ATP11A: variants seen among roughly 807,000 people sequenced by gnomAD.
The protein encoded by ATP11A is phospholipid-transporting ATPase IH.
A neutral mutation model predicts 154.4 loss-of-function variants in ATP11A; 81 were observed. The ratio of observed to expected loss-of-function variants is 0.52; its 90% confidence interval spans 0.44 to 0.63. The LOEUF is 0.63. Ranked by LOEUF, ATP11A falls within the 30% of genes least tolerant of loss-of-function variation. The pLI is 0.00. For synonymous variants in ATP11A, 623 were observed against 585.9 expected (o/e 1.06, Z -0.91); for missense variants, 1,316 against 1,474.3 (o/e 0.89, Z 1.76).
chr13:112,797,465 C>T (rs2078032304), intron 2 of ATP11A, among the ~76,000 whole-genome samples: 1 of 151,940 alleles, frequency 6.6e-6, no homozygotes, highest in Non-Finnish European at 1.5e-5. Flanking sequence ...AAAGGGTACA[C>T]CTAGACATAT....
chr13:112,823,503 T>C lies in ATP11A; in HGVS notation c.790+94T>C, dbSNP rs185765447. The C allele has an allele frequency of 2.8e-6, 3 of 1,066,380 alleles. No individual in the cohort carries two copies. The African/African-American group carries it at 4.8e-5, about 17-fold the overall frequency. 66.1% of individuals were successfully genotyped at this position (1,066,380 alleles called of 1,614,324 possible). On this transcript the variant is annotated intron_variant, in intron 9 of 29. Coordinates refer to ENST00000375645, the MANE Select transcript of ATP11A (RefSeq NM_015205.3). ...CGCAGCGGAACCCGAGAGCGTTTCT[T>C]GGCACCTTGAGGTGCTGGAGGCTTT...
chr13:112,871,840 T>A, intron 26 of ATP11A, 40 bp downstream of exon 26: 1 of 1,585,502 alleles, frequency 6.3e-7, no homozygotes, highest in Non-Finnish European at 8.7e-7. Flanking sequence ...CCAGCCACAG[T>A]GAACCCCTGC....
At chr13:112,814,255 G>C (rs2078582222) in intron 5 of ATP11A, among the ~76,000 whole-genome samples, 1 of 151,794 alleles carries the variant, frequency 6.6e-6, no homozygotes, top group Non-Finnish European at 1.5e-5. Flanking sequence ...TAGAGATGGG[G>C]TTTCACCATT....
At chr13:112,820,137 G>A (rs1056638901) in intron 8 of ATP11A, among the ~76,000 whole-genome samples, 187 bp downstream of exon 8, 1 of 152,214 alleles carries the variant, frequency 6.6e-6, no homozygotes, top group Admixed American at 6.5e-5. Context: ...TGTGAATGTT[G>A]ACAAGTTAGT....
rs2139597443 is a variant in ATP11A, at chr13:112,715,538, G to C, written c.39+25083G>C. 6.0e-5 allele frequency among the ~76,000 whole-genome samples: 2 copies of C among 33,232 alleles called. 1 individual carries two copies. The highest frequency in any genetic ancestry group is 5.4e-3 in the South Asian group (2 of 370). 21.8% of individuals were successfully genotyped at this position (33,232 alleles called of 152,430 possible). A position where few individuals can be genotyped will look rare whatever the true frequency, so the allele number is the denominator to read the frequency against. On this transcript the variant is annotated intron_variant, in intron 1 of 29. Transcript: ENST00000375645. Reference sequence around the variant, plus strand: ...GCCGATCCCCACCCTTCACTTGGCTGAGGCCCCCCCCCACCTGCCTGATCC... The same window carrying C: ...GCCGATCCCCACCCTTCACTTGGCTCAGGCCCCCCCCCACCTGCCTGATCC...
chr13:112,800,393 T>A (rs1374735640), intron 2 of ATP11A, among the ~76,000 whole-genome samples: 1 of 152,132 alleles, frequency 6.6e-6, no homozygotes, highest in Non-Finnish European at 1.5e-5. Context: ...ACTTGGTAAC[T>A]TAGATAACAT....
chr13:112,785,314 G>A lies in ATP11A; in HGVS notation c.162+57G>A, dbSNP rs571264378. 1.5e-6 allele frequency: 2 copies of A among 1,364,778 alleles called. No individual in the cohort carries two copies. Among genetic ancestry groups the A allele is most frequent in the Non-Finnish European group, 9.5e-7 (1 of 1,048,344 alleles). 84.5% of individuals were successfully genotyped at this position (1,364,778 alleles called of 1,614,324 possible). A position where few individuals can be genotyped will look rare whatever the true frequency, so the allele number is the denominator to read the frequency against. On this transcript the variant is annotated intron_variant, in intron 2 of 29. Coordinates refer to ENST00000375645, the MANE Select transcript of ATP11A (RefSeq NM_015205.3). This position sits in a 1 kb window ranked among gnomAD's most constrained non-coding sequence, Gnocchi z 4.8. ...GTGTCTAAAAAGCAGCTGCCGGGGG[G>A]TGTTAGTGCTTCTCGGTTTCAAAGA...
chr13:112,867,722 A>C (rs2080383451), intron 25 of ATP11A, among the ~76,000 whole-genome samples: 1 of 152,122 alleles, frequency 6.6e-6, no homozygotes, highest in African/African-American at 2.4e-5. Flanking sequence ...CCTGGAAGGT[A>C]CCTTGAGCCC....
At chr13:112,812,753 C>CT (rs2078536593) in intron 5 of ATP11A, among the ~76,000 whole-genome samples, 1 of 152,232 alleles carries the variant, frequency 6.6e-6, no homozygotes, top group Admixed American at 6.5e-5. Flanking sequence ...TTAAATGCTT[C>CT]TGAGACAGCT....
In ATP11A at chr13:112,839,410, G is replaced by T. The variant is rs146193032; in HGVS notation, c.1706-2866G>T. The stretch of plus-strand genomic sequence containing the variant: ...TGATGCCCTTTTTCCAGCCATTTCG[G>T]GGACATTTGCTGTCACGCCTGGCTT... On this transcript the variant is annotated intron_variant, in intron 16 of 29. Transcript: ENST00000375645. Among the ~76,000 whole-genome samples, 58 of 152,172 alleles carry T rather than the reference G, an allele frequency of 3.8e-4. 1 individual carries two copies. The East Asian group carries it at 0.011, about 29-fold the overall frequency.
chr13:112,791,978 C>G (rs1313797983), intron 2 of ATP11A, among the ~76,000 whole-genome samples: 1 of 152,126 alleles, frequency 6.6e-6, no homozygotes, highest in African/African-American at 2.4e-5. Flanking sequence ...GAGGGTGTGG[C>G]GGGGCCAGGA....
chr13:112,850,329 C>T (rs2079728051), intron 17 of ATP11A, among the ~76,000 whole-genome samples: 1 of 152,194 alleles, frequency 6.6e-6, no homozygotes, highest in Non-Finnish European at 1.5e-5. Flanking sequence ...GTGTGAACCT[C>T]TGTGACGGTC....
chr13:112,766,835 G>A (rs2077091559), intron 1 of ATP11A, among the ~76,000 whole-genome samples: 1 of 99,734 alleles, frequency 1.0e-5, no homozygotes. Context: ...GGAGATGTGG[G>A]GGTGTTGGGG....
At chr13:112,847,994 G>A (rs2079654849) in intron 17 of ATP11A, among the ~76,000 whole-genome samples, 1 of 152,230 alleles carries the variant, frequency 6.6e-6, no homozygotes, top group Non-Finnish European at 1.5e-5. Flanking sequence ...GGCAGGATGA[G>A]ATGGAAGGGT....
intron 1 of ATP11A, among the ~76,000 whole-genome samples, chr13:112,742,227 G>C (rs1891637978): frequency 6.6e-6 from 1 of 152,222 alleles, no homozygotes; most frequent in Admixed American, 6.5e-5. Context: ...AGAGATGGCT[G>C]CTGCCTGGCC....
chr13:112,882,117 G>A lies in ATP11A; in HGVS notation c.*251G>A. 7.5e-7 allele frequency: 1 copy of A among 1,340,026 alleles called. No individual in the cohort carries two copies. Among genetic ancestry groups the A allele is most frequent in the South Asian group, 1.2e-5 (1 of 85,538 alleles). The allele number at this position is 1,340,026 out of a possible 1,614,324, so 83.0% of individuals were successfully genotyped here. On this transcript the variant is annotated 3_prime_UTR_variant, in exon 30 of 30. Transcript: ENST00000375645. The surrounding 1 kb of genome is among the most constrained non-coding windows in gnomAD (Gnocchi z 5.1). ...TGCACGTGCCTCTTCCTGGCCCCCA[G>A]CAGGCAAGGAGGGGGGTCACAGGCC...
chr13:112,833,628 C>T (rs938871188), intron 14 of ATP11A, among the ~76,000 whole-genome samples: 3 of 152,304 alleles, frequency 2.0e-5, no homozygotes, highest in South Asian at 2.1e-4. Context: ...GAATCATGTT[C>T]GCGCTTCTCA....
intron 15 of ATP11A, among the ~76,000 whole-genome samples, chr13:112,835,353 A>T (rs1329442925): frequency 1.3e-5 from 2 of 152,170 alleles, no homozygotes; most frequent in Non-Finnish European, 2.9e-5. Context: ...AAACACGTGG[A>T]TTTTAAAATT....
Position 112,884,912 on chromosome 13 carries a change from A to G in ATP11A, c.*3046A>G, listed in dbSNP as rs1294680407. Reference sequence around the variant, plus strand: ...CAGACACGCACAGTGGGCCTGCTGCATGCGTGTTACCTGGCTTTTGGCTCC... The same window carrying G: ...CAGACACGCACAGTGGGCCTGCTGCGTGCGTGTTACCTGGCTTTTGGCTCC... On this transcript the variant is annotated 3_prime_UTR_variant, in exon 30 of 30. Transcript: ENST00000375645. 2.6e-5 allele frequency: 4 copies of G among 152,440 alleles called. No individual in the cohort carries two copies. The highest frequency in any genetic ancestry group is 6.5e-5 in the Admixed American group (1 of 15,278). 9.4% of individuals were successfully genotyped at this position (152,440 alleles called of 1,614,324 possible). A position where few individuals can be genotyped will look rare whatever the true frequency, so the allele number is the denominator to read the frequency against.
Sources: allele counts gnomAD v4.1 joint callset (sites outside exome capture counted in the v4.1 genomes callset), GRCh38; gene constraint gnomAD v4.1.1; non-coding constraint Gnocchi (gnomAD v3.1); transcripts MANE v1.5; gene names NCBI Gene and HGNC (gene_info 2026-07-23, HGNC 2026-07-21).